Variants in ACVR1 observed in about 807,000 individuals in gnomAD.
ACVR1 encodes the protein activin A receptor type 1.
ACVR1 carries 38 observed loss-of-function variants against 57.1 expected under a neutral mutation model. The ratio of observed to expected loss-of-function variants is 0.67; its 90% confidence interval spans 0.51 to 0.87. The LOEUF (loss-of-function observed/expected upper bound fraction) is 0.87, where lower values mean the gene tolerates loss of function less well. Ranked by LOEUF, ACVR1 falls within the 40% of genes least tolerant of loss-of-function variation. ACVR1 has a pLI of 0.00. For synonymous variants in ACVR1, 212 were observed against 228.1 expected (o/e 0.93, Z 0.63); for missense variants, 463 against 638.2 (o/e 0.73, Z 2.96).
intron 1 of ACVR1, chr2:157,826,745 GGAAA>G (rs1688375942): frequency 5.0e-5 from 5 of 99,662 alleles, no homozygotes; most frequent in African/African-American, 1.5e-4. Flanking sequence ...GGAAAGGAAA[GGAAA>G]GGAAAGGAAA....
chr2:157,863,106 C>G (rs1284635434), intron 1 of ACVR1, among the ~76,000 whole-genome samples: 1 of 141,670 alleles, frequency 7.1e-6, no homozygotes, highest in African/African-American at 2.6e-5. Context: ...ACTGCAACCT[C>G]CATCTCCCAG....
chr2:157,761,458 C>A (rs1574031867), intron 8 of ACVR1, among the ~76,000 whole-genome samples: 1 of 152,176 alleles, frequency 6.6e-6, no homozygotes, highest in Non-Finnish European at 1.5e-5. Context: ...TCAAGCTCCA[C>A]CACTGCTCTC....
intron 1 of ACVR1, among the ~76,000 whole-genome samples, chr2:157,863,488 G>C (rs574773481): frequency 1.3e-5 from 2 of 150,718 alleles, no homozygotes; most frequent in Admixed American, 6.6e-5. Context: ...CCTGTGGTCA[G>C]GAGTTCGAGA....
intron 6 of ACVR1, among the ~76,000 whole-genome samples, chr2:157,771,012 T>C (rs529574700): frequency 6.6e-5 from 10 of 152,198 alleles, no homozygotes; most frequent in Non-Finnish European, 1.2e-4. Context: ...TAGATATGCA[T>C]TTTTTCCACA....
At chr2:157,836,563 G>A (rs1280865737) in intron 1 of ACVR1, among the ~76,000 whole-genome samples, 1 of 152,202 alleles carries the variant, frequency 6.6e-6, no homozygotes, top group Admixed American at 6.5e-5. Context: ...CTCTTCGCCA[G>A]GTACTTTACT....
At position 157,848,683 on chromosome 2, in the gene ACVR1, T is replaced by C. The variant is rs867595541; in HGVS notation, c.-183+27113A>G. On this transcript the variant is annotated intron_variant, in intron 1 of 10. Transcript: ENST00000434821. Reference sequence around the variant, plus strand: ...ACCAGCAGGCAGTCTAGTTGGGCTATTGTCAGGAGCAAAAGAGGACATGGA... The same window carrying C: ...ACCAGCAGGCAGTCTAGTTGGGCTACTGTCAGGAGCAAAAGAGGACATGGA... Among the ~76,000 whole-genome samples the C allele has an allele frequency of 2.4e-4, 37 of 152,350 alleles. 1 individual carries two copies. The highest frequency in any genetic ancestry group is 8.7e-4 in the African/African-American group (36 of 41,576).
intron 1 of ACVR1, among the ~76,000 whole-genome samples, chr2:157,868,447 G>A (rs1442321066): frequency 4.0e-5 from 6 of 150,052 alleles, no homozygotes; most frequent in Admixed American, 4.0e-4. Flanking sequence ...ATCGCGCCAC[G>A]GCACTCCAGC....
intron 1 of ACVR1, among the ~76,000 whole-genome samples, chr2:157,833,323 A>G (rs1295891019): frequency 6.6e-6 from 1 of 152,176 alleles, no homozygotes; most frequent in Non-Finnish European, 1.5e-5. Context: ...GCAGACAAGC[A>G]TTACCCAAAA....
chr2:157,863,782 A>G (rs1689818896), intron 1 of ACVR1, among the ~76,000 whole-genome samples: 1 of 152,134 alleles, frequency 6.6e-6, no homozygotes, highest in Admixed American at 6.5e-5. Flanking sequence ...ATTTTCCAGA[A>G]GAAATGCATT....
intron 1 of ACVR1, among the ~76,000 whole-genome samples, chr2:157,856,030 A>G (rs1330036022): frequency 6.6e-6 from 1 of 151,218 alleles, no homozygotes; most frequent in African/African-American, 2.4e-5. Flanking sequence ...AACCTACGAC[A>G]CCCCAAAAAC....
At chr2:157,759,189 T>C (rs757514094) in intron 9 of ACVR1, among the ~76,000 whole-genome samples, 50 of 152,008 alleles carry the variant, frequency 3.3e-4, no homozygotes, top group Middle Eastern at 6.8e-3. Flanking sequence ...AAAGGATTAA[T>C]GAAATAAAAA....
intron 3 of ACVR1, among the ~76,000 whole-genome samples, chr2:157,781,991 G>T (rs1383395857): frequency 6.6e-6 from 1 of 152,226 alleles, no homozygotes; most frequent in Non-Finnish European, 1.5e-5. Context: ...ACCCTCAGTA[G>T]TGGGTCTAGG....
At chr2:157,862,143 C>T (rs28452274) in intron 1 of ACVR1, among the ~76,000 whole-genome samples, 2 of 151,980 alleles carry the variant, frequency 1.3e-5, no homozygotes. Context: ...AACTGCTAAA[C>T]TTTAGGATTA....
intron 2 of ACVR1, among the ~76,000 whole-genome samples, chr2:157,807,287 T>C (rs905296328): frequency 6.6e-6 from 1 of 152,214 alleles, no homozygotes; most frequent in Non-Finnish European, 1.5e-5. Context: ...CTTCCAGATA[T>C]ACACAGAATA....
intron 5 of ACVR1, among the ~76,000 whole-genome samples, 171 bp downstream of exon 5, chr2:157,777,960 T>C (rs1441693172): frequency 2.0e-5 from 3 of 152,192 alleles, no homozygotes; most frequent in African/African-American, 4.8e-5. Flanking sequence ...TGTTCTGATA[T>C]GGGAAGACTA....
At chr2:157,828,088 C>A (rs7605072) in intron 1 of ACVR1, among the ~76,000 whole-genome samples, 1 of 151,974 alleles carries the variant, frequency 6.6e-6, no homozygotes, top group Non-Finnish European at 1.5e-5. Flanking sequence ...TTTGAGAAGC[C>A]GAGGTAGGCG....
intron 1 of ACVR1, among the ~76,000 whole-genome samples, chr2:157,848,865 G>C (rs568568666): frequency 2.0e-5 from 3 of 152,294 alleles, no homozygotes; most frequent in African/African-American, 7.2e-5. Context: ...ATGAACATGA[G>C]GGATTTCCAG....
chr2:157,852,703 G>T (rs1355236947), intron 1 of ACVR1, among the ~76,000 whole-genome samples: 16 of 152,146 alleles, frequency 1.1e-4, no homozygotes, highest in Admixed American at 1.0e-3. Context: ...AACATCATCT[G>T]CCATAGTTAT....
Position 157,803,121 on chromosome 2 carries a change from T to TA in ACVR1, c.-7-3622dup, listed in dbSNP as rs201831306. Among the ~76,000 whole-genome samples, 147 of 147,352 alleles carry TA rather than the reference T, an allele frequency of 1.0e-3. 3 individuals carry two copies. The East Asian group carries it at 0.016, about 16-fold the overall frequency. On this transcript the variant is annotated intron_variant, in intron 2 of 10. Transcript: ENST00000434821. Reference sequence around the variant, plus strand: ...TTCAAATCAAGACTCCTTTTACTATTAAAAAAAAAAATCTAAGAAACAATC... The same window carrying TA: ...TTCAAATCAAGACTCCTTTTACTATTAAAAAAAAAAAATCTAAGAAACAATC...
Sources: gnomAD v4.1 joint callset for allele counts (sites outside exome capture counted in the v4.1 genomes callset) on GRCh38, gnomAD v4.1.1 for gene constraint, MANE v1.5 for transcripts, NCBI Gene and HGNC (gene_info 2026-07-23, HGNC 2026-07-21) for gene names.